The following FUT8 variants were observed in gnomAD, a reference collection of about 807,000 sequenced individuals.
FUT8 encodes the protein fucosyltransferase 8.
Under a neutral mutation model 71.3 loss-of-function variants are expected in FUT8, and 29 were observed. The observed-to-expected ratio is 0.41, with a 90% confidence interval of 0.30 to 0.55. FUT8 has a LOEUF of 0.55. FUT8 is among the 20% of genes least tolerant of loss of function. FUT8 has a pLI of 0.34. For synonymous variants in FUT8, 254 were observed against 239.3 expected (o/e 1.06, Z -0.57); for missense variants, 544 against 702.1 (o/e 0.77, Z 2.55).
intron 6 of FUT8, among the ~76,000 whole-genome samples, chr14:65,653,128 G>T (rs2140329238): frequency 1.3e-5 from 2 of 152,242 alleles, no homozygotes; most frequent in East Asian, 3.9e-4. Context: ...GCAGTCATGA[G>T]CCCCACTAGG....
intron 9 of FUT8, among the ~76,000 whole-genome samples, chr14:65,725,238 G>A (rs1017117267): frequency 4.6e-5 from 7 of 152,142 alleles, no homozygotes; most frequent in African/African-American, 1.7e-4. Flanking sequence ...TTTTGAGCTT[G>A]CCTGTATTTC....
chr14:65,466,139 T>A (rs2066041342), intron 2 of FUT8, among the ~76,000 whole-genome samples: 1 of 152,234 alleles, frequency 6.6e-6, no homozygotes, highest in African/African-American at 2.4e-5. Flanking sequence ...TCTTTCTCCA[T>A]CCCTTTACTT....
intron 2 of FUT8, among the ~76,000 whole-genome samples, chr14:65,518,885 T>A (rs921632316): frequency 6.6e-6 from 1 of 152,198 alleles, no homozygotes; most frequent in African/African-American, 2.4e-5. Flanking sequence ...ATGTATCTTC[T>A]GAGGTTATGA....
chr14:65,420,318 T>C (rs1429282617), intron 1 of FUT8, among the ~76,000 whole-genome samples: 1 of 152,122 alleles, frequency 6.6e-6, no homozygotes, highest in African/African-American at 2.4e-5. Flanking sequence ...GGTCTTGCTC[T>C]GTTGCCCAGG....
In FUT8 at chr14:65,524,899, G is replaced by C. The variant is rs140571888; in HGVS notation, c.-227-36438G>C. On this transcript the variant is annotated intron_variant, in intron 2 of 10. Transcript: ENST00000673929. Reference sequence around the variant, plus strand: ...GTTTATTGATTTATGTATGTTGAACGAGCCTTGCATCCCAGGGATGAAGCC... The same window carrying C: ...GTTTATTGATTTATGTATGTTGAACCAGCCTTGCATCCCAGGGATGAAGCC... 1.6e-3 allele frequency among the ~76,000 whole-genome samples: 249 copies of C among 152,214 alleles called. 1 individual carries two copies. The highest frequency in any genetic ancestry group is 4.2e-3 in the South Asian group (20 of 4,816).
chr14:65,421,399 C>A (rs2065292549), intron 1 of FUT8, among the ~76,000 whole-genome samples: 1 of 152,088 alleles, frequency 6.6e-6, no homozygotes, highest in Admixed American at 6.6e-5. Context: ...GGCAGGCACA[C>A]ATGGTGTAAC....
In FUT8 at chr14:65,479,951, A is replaced by T. The variant is rs558593295; in HGVS notation, c.-228+24233A>T. 4.6e-5 allele frequency among the ~76,000 whole-genome samples: 7 copies of T among 152,034 alleles called. No homozygotes were observed. In the South Asian group the frequency reaches 1.5e-3, roughly 32 times the overall value. Reference sequence around the variant, plus strand: ...TGAGAATGGGGGAATTGGATTTAAAATTTTCTTACATGAAGAAACCAAATA... The same window carrying T: ...TGAGAATGGGGGAATTGGATTTAAATTTTTCTTACATGAAGAAACCAAATA... On this transcript the variant is annotated intron_variant, in intron 2 of 10. Coordinates refer to ENST00000673929, the MANE Select transcript of FUT8 (RefSeq NM_001371533.1).
chr14:65,375,432 AAC>A, the FUT8 span, among the ~76,000 whole-genome samples: 1 of 152,104 alleles, frequency 6.6e-6, no homozygotes, highest in South Asian at 2.1e-4. Context: ...CAGGCTGGGT[AAC>A]ACAGCAAGAC....
At chr14:65,378,688 G>C in the FUT8 span, among the ~76,000 whole-genome samples, 1 of 152,052 alleles carries the variant, frequency 6.6e-6, no homozygotes, top group East Asian at 1.9e-4. Context: ...ATACTTCCAG[G>C]ACTATAGGTG....
chr14:65,661,902 G>C (rs909781277), intron 6 of FUT8, among the ~76,000 whole-genome samples: 1 of 152,116 alleles, frequency 6.6e-6, no homozygotes, highest in African/African-American at 2.4e-5. Flanking sequence ...AAATATCTCA[G>C]CGTTATGATG....
At chr14:65,485,611 T>C (rs536345999) in intron 2 of FUT8, among the ~76,000 whole-genome samples, 5 of 152,310 alleles carry the variant, frequency 3.3e-5, no homozygotes, top group East Asian at 3.9e-4. Flanking sequence ...GATGTTTTTT[T>C]CCCCAGCCTC....
At chr14:65,626,170 C>T (rs536263249) in intron 5 of FUT8, among the ~76,000 whole-genome samples, 7 of 151,874 alleles carry the variant, frequency 4.6e-5, no homozygotes, top group South Asian at 4.2e-4. Context: ...AGTAGGTACT[C>T]TTCAGACACA....
intron 7 of FUT8, among the ~76,000 whole-genome samples, chr14:65,693,994 C>T (rs1009468678): frequency 5.9e-5 from 9 of 152,098 alleles, no homozygotes; most frequent in African/African-American, 1.2e-4. Context: ...CCATAATATT[C>T]CTTTATTATC....
chr14:65,609,250 G>A lies in FUT8; in HGVS notation c.204-6728G>A, dbSNP rs560548692. ...GTGGAGGTTGCAGTGAGCCAGGATCGCGCCACTGCACTCCAGCCTGGGTGA... is the reference window on the plus strand; with the variant it reads ...GTGGAGGTTGCAGTGAGCCAGGATCACGCCACTGCACTCCAGCCTGGGTGA... On this transcript the variant is annotated intron_variant, in intron 3 of 10. Transcript: ENST00000673929. Among the ~76,000 whole-genome samples, 37 of 150,656 alleles carry A rather than the reference G, an allele frequency of 2.5e-4. 2 individuals are homozygous for A. Among genetic ancestry groups the A allele is most frequent in the African/African-American group, 3.7e-4 (15 of 41,048 alleles).
intron 7 of FUT8, among the ~76,000 whole-genome samples, chr14:65,714,008 A>C (rs1894932093): frequency 6.6e-6 from 1 of 152,226 alleles, no homozygotes; most frequent in Non-Finnish European, 1.5e-5. Context: ...TTGAGGTCTT[A>C]GATTTAAGTC....
chr14:65,701,643 G>A (rs539996677), intron 7 of FUT8, among the ~76,000 whole-genome samples: 2 of 152,116 alleles, frequency 1.3e-5, no homozygotes, highest in South Asian at 2.1e-4. Context: ...CTTTCTTTGG[G>A]GATCCCAGTA....
At chr14:65,532,322 T>C (rs1357536956) in intron 2 of FUT8, among the ~76,000 whole-genome samples, 1 of 152,198 alleles carries the variant, frequency 6.6e-6, no homozygotes, top group Non-Finnish European at 1.5e-5. Flanking sequence ...TTCTGACTAA[T>C]GTGAGATGGT....
intron 7 of FUT8, among the ~76,000 whole-genome samples, chr14:65,701,755 A>G (rs1894305527): frequency 6.6e-6 from 1 of 152,192 alleles, no homozygotes; most frequent in African/African-American, 2.4e-5. Context: ...AGTTTATATC[A>G]TTTATGTAAA....
chr14:65,551,358 A>T (rs1007572722), intron 2 of FUT8, among the ~76,000 whole-genome samples: 1 of 152,222 alleles, frequency 6.6e-6, no homozygotes, highest in African/African-American at 2.4e-5. Context: ...TAATGGAATA[A>T]TTGAGCTATA....
Sources: allele counts gnomAD v4.1 joint callset (sites outside exome capture counted in the v4.1 genomes callset), GRCh38; gene constraint gnomAD v4.1.1; transcripts MANE v1.5; gene names NCBI Gene and HGNC (gene_info 2026-07-23, HGNC 2026-07-21).